The following GSE1 variants were observed in gnomAD, a reference collection of about 807,000 sequenced individuals.
GSE1 encodes Gse1 coiled-coil protein, also known as genetic suppressor element 1.
GSE1 carries 32 observed loss-of-function variants against 112.6 expected under a neutral mutation model. The observed-to-expected ratio is 0.28, with a 90% CI of 0.21 to 0.38. GSE1 has a LOEUF of 0.38. Among genes scored for constraint, GSE1 ranks in the 10% least tolerant of loss-of-function variants. The pLI is 1.00. For synonymous variants in GSE1, 1,115 were observed against 735.6 expected, an observed-to-expected ratio of 1.52 and a Z score of -8.35; for missense variants, 2,348 against 1,699.2, an observed-to-expected ratio of 1.38 and a Z score of -6.71.
At chr16:85,396,946 C>T (rs1271201227) in intron 2 of GSE1, among the ~76,000 whole-genome samples, 1 of 152,202 alleles carries the variant, frequency 6.6e-6, no homozygotes, top group South Asian at 2.1e-4. Flanking sequence ...AGGAAGACAC[C>T]CAGGCAGAGA....
intron 2 of GSE1, among the ~76,000 whole-genome samples, chr16:85,495,449 ATT>A (rs2051142667): frequency 2.0e-5 from 3 of 149,804 alleles, no homozygotes; most frequent in Non-Finnish European, 3.0e-5. Context: ...TTATTTATTT[ATT>A]TATTTATTTA....
chr16:85,631,999 G>A (rs1158893657), intron 1 of GSE1, among the ~76,000 whole-genome samples: 2 of 152,392 alleles, frequency 1.3e-5, no homozygotes, highest in African/African-American at 4.8e-5. Flanking sequence ...AGCTGGCAGG[G>A]TTCAGGCTGG....
At chr16:85,450,539 C>A (rs892281705) in intron 2 of GSE1, among the ~76,000 whole-genome samples, 7 of 151,302 alleles carry the variant, frequency 4.6e-5, no homozygotes, top group Non-Finnish European at 1.0e-4. Context: ...AGACTTCACT[C>A]CCCAGGTTCA....
intron 1 of GSE1, among the ~76,000 whole-genome samples, chr16:85,218,098 C>T (rs972142450): frequency 6.6e-6 from 1 of 152,052 alleles, no homozygotes; most frequent in Non-Finnish European, 1.5e-5. Context: ...GATGGGGTTT[C>T]ACCATGTTGG....
At chr16:85,246,332 C>CACACA (rs566558868) in intron 1 of GSE1, among the ~76,000 whole-genome samples, 10 of 35,930 alleles carry the variant, frequency 2.8e-4, no homozygotes, top group Non-Finnish European at 4.1e-4. Flanking sequence ...CACACACACA[C>CACACA]CCCCCACACG....
chr16:85,209,974 A>T (rs1202499529), intron 1 of GSE1, among the ~76,000 whole-genome samples: 6 of 152,212 alleles, frequency 3.9e-5, no homozygotes, highest in Admixed American at 3.9e-4. Context: ...ATGAGAGGAG[A>T]CACAGCAGTA....
At chr16:85,358,391 G>C (rs1249522192) in intron 2 of GSE1, among the ~76,000 whole-genome samples, 1 of 152,164 alleles carries the variant, frequency 6.6e-6, no homozygotes, top group Non-Finnish European at 1.5e-5. Context: ...AGGTTCGTCA[G>C]CAAGACCCTC....
chr16:85,647,308 C>G (rs1376596558), intron 2 of GSE1, among the ~76,000 whole-genome samples: 1 of 152,208 alleles, frequency 6.6e-6, no homozygotes, highest in Non-Finnish European at 1.5e-5. Flanking sequence ...CCCATCCCTG[C>G]TGCGTTTTGG....
At chr16:85,602,584 G>C (rs2047515346) in intron 1 of GSE1, among the ~76,000 whole-genome samples, 1 of 152,028 alleles carries the variant, frequency 6.6e-6, no homozygotes, top group Middle Eastern at 3.2e-3. Flanking sequence ...CGGCCTCCTG[G>C]GTGCTCTCTG....
upstream of GSE1, chr16:85,555,693 C>A (rs971422128): frequency 8.0e-6 from 3 of 376,956 alleles, no homozygotes; most frequent in African/African-American, 9.0e-5. Context: ...CTTCCTTTTT[C>A]CTTCTGGTTC....
chr16:85,436,497 A>G (rs763732285), intron 2 of GSE1, among the ~76,000 whole-genome samples: 3 of 152,234 alleles, frequency 2.0e-5, no homozygotes, highest in Non-Finnish European at 4.4e-5. Flanking sequence ...CTCTTAGCCT[A>G]GAATGCAGGA....
intron 1 of GSE1, among the ~76,000 whole-genome samples, chr16:85,301,912 C>G (rs907082300): frequency 2.0e-5 from 3 of 152,252 alleles, no homozygotes; most frequent in Non-Finnish European, 4.4e-5. Flanking sequence ...CAAGCCTTGT[C>G]TGGAAATCAG....
chr16:85,331,375 A>ATATATATGTATATATATGTG (rs2046344743), intron 1 of GSE1, among the ~76,000 whole-genome samples: 2 of 134,398 alleles, frequency 1.5e-5, no homozygotes, highest in Non-Finnish European at 3.2e-5. Context: ...GTATATATGT[A>ATATATATGTATATATATGTG]TATATATGTA....
At chr16:85,282,604 G>A (rs1408326275) in intron 1 of GSE1, among the ~76,000 whole-genome samples, 2 of 152,314 alleles carry the variant, frequency 1.3e-5, no homozygotes, top group Admixed American at 6.5e-5. Context: ...CAGAGCCCCC[G>A]GAGGATCAGG....
intron 2 of GSE1, among the ~76,000 whole-genome samples, chr16:85,519,667 A>ATCACCACCATCATCAC (rs2052106298): frequency 2.1e-5 from 3 of 145,438 alleles, no homozygotes; most frequent in Non-Finnish European, 4.5e-5. Flanking sequence ...CACCATCACC[A>ATCACCACCATCATCAC]CAGTCTCCAT....
At chr16:85,641,839 T>G (rs571080847) in intron 2 of GSE1, among the ~76,000 whole-genome samples, 24 of 152,358 alleles carry the variant, frequency 1.6e-4, no homozygotes, top group African/African-American at 5.5e-4. Flanking sequence ...TTCCTGTGGC[T>G]CCCGTGGGCC....
At chr16:85,503,617 G>A (rs2051442003) in intron 2 of GSE1, among the ~76,000 whole-genome samples, 1 of 152,106 alleles carries the variant, frequency 6.6e-6, no homozygotes. Context: ...ATGATCTCTT[G>A]CCTTGTACCA....
chr16:85,386,917 G>A (rs2047700994), intron 2 of GSE1, among the ~76,000 whole-genome samples: 1 of 152,168 alleles, frequency 6.6e-6, no homozygotes, highest in African/African-American at 2.4e-5. Context: ...CTTTGGCTGG[G>A]TGGACTTTGG....
intron 2 of GSE1, among the ~76,000 whole-genome samples, chr16:85,364,628 G>A (rs561664246): frequency 6.6e-6 from 1 of 152,118 alleles, no homozygotes; most frequent in Non-Finnish European, 1.5e-5. Flanking sequence ...GGGACTTCCA[G>A]AGTGCCCTGA....
Sources: gnomAD v4.1 joint callset for allele counts (sites outside exome capture counted in the v4.1 genomes callset) on GRCh38, gnomAD v4.1.1 for gene constraint, MANE v1.5 for transcripts, NCBI Gene and HGNC (gene_info 2026-07-23, HGNC 2026-07-21) for gene names.